HNF4G: variants seen among roughly 807,000 people sequenced by gnomAD.
HNF4G encodes hepatocyte nuclear factor 4 gamma.
HNF4G carries 21 observed loss-of-function variants against 50.9 expected under a neutral mutation model. The observed-to-expected ratio is 0.41, with a 90% CI of 0.29 to 0.59. The LOEUF (loss-of-function observed/expected upper bound fraction) is 0.59, where lower values mean the gene tolerates loss of function less well. Among genes scored for constraint, HNF4G ranks in the 20% least tolerant of loss-of-function variants. The probability of loss-of-function intolerance (pLI) is 0.26; values close to 1 mark genes in which losing one functional copy is unlikely to be tolerated. For missense variants in HNF4G, 527 were observed against 559.4 expected (o/e 0.94, Z 0.58); for synonymous variants, 198 against 185.6 (o/e 1.07, Z -0.54).
intron 1 of HNF4G, chr8:75,408,188 C>G (rs1255569850): frequency 6.6e-6 from 1 of 152,006 alleles, no homozygotes; most frequent in Non-Finnish European, 1.5e-5. Flanking sequence ...GTGGGGGGAC[C>G]GGGGAATTGA....
At chr8:75,536,451 T>C (rs546312831), upstream of HNF4G, among the ~76,000 whole-genome samples, 31 of 152,134 alleles carry the variant, frequency 2.0e-4, no homozygotes, top group African/African-American at 7.2e-4. Context: ...TAATATAGTT[T>C]TATTTTTAAC....
rs140798246 is a variant in HNF4G at position 75,561,355 on chromosome 8, A to C, written c.1246+889A>C. On this transcript the variant is annotated intron_variant, in intron 9 of 9. Transcript: ENST00000396423. ...AGCTACTTCTTCTGTGACTGCATTT[A>C]TGTTTTATTTGTATGTCACTTCCAG... is the stretch of plus-strand genomic sequence containing the variant. Among the ~76,000 whole-genome samples, 357 of 152,232 alleles carry C rather than the reference A, an allele frequency of 2.3e-3. 2 individuals carry two copies. The highest frequency in any genetic ancestry group is 3.5e-3 in the Non-Finnish European group (237 of 68,000).
At chr8:75,410,923 C>T (rs561979278) in intron 1 of HNF4G, among the ~76,000 whole-genome samples, 12 of 152,264 alleles carry the variant, frequency 7.9e-5, no homozygotes, top group Admixed American at 2.6e-4. Context: ...AGAATACGCA[C>T]GCACACACAC....
intron 2 of HNF4G, among the ~76,000 whole-genome samples, chr8:75,507,944 T>C (rs1296274669): frequency 2.6e-5 from 4 of 152,044 alleles, no homozygotes; most frequent in African/African-American, 7.2e-5. Context: ...TAAATTAATT[T>C]TAGTTTGAAC....
intron 2 of HNF4G, among the ~76,000 whole-genome samples, chr8:75,513,860 G>C (rs1343749074): frequency 6.6e-6 from 1 of 150,852 alleles, no homozygotes; most frequent in African/African-American, 2.4e-5. Flanking sequence ...ATTTTATTTA[G>C]AGAATGTGAT....
intron 2 of HNF4G, among the ~76,000 whole-genome samples, chr8:75,528,547 C>T (rs1214173768): frequency 2.0e-5 from 3 of 152,002 alleles, no homozygotes; most frequent in Non-Finnish European, 4.4e-5. Context: ...AAATGAGGTC[C>T]CTCATAGAAC....
chr8:75,437,513 CT>C (rs1481151352), intron 1 of HNF4G, among the ~76,000 whole-genome samples: 1 of 152,026 alleles, frequency 6.6e-6, no homozygotes, highest in Non-Finnish European at 1.5e-5. Flanking sequence ...CTTAAACTAT[CT>C]AGGACAAAGG....
chr8:75,437,374 T>C (rs1296305780), intron 1 of HNF4G, among the ~76,000 whole-genome samples: 1 of 152,212 alleles, frequency 6.6e-6, no homozygotes, highest in Admixed American at 6.5e-5. Context: ...CAACAGGAAC[T>C]GGCATACACT....
rs1348487362 is a variant in HNF4G at position 75,478,736 on chromosome 8, G to C, written c.-143-11353G>C. Among the ~76,000 whole-genome samples, 7 of 150,506 alleles carry C rather than the reference G, an allele frequency of 4.7e-5. No individual in the cohort carries two copies. The East Asian group carries it at 1.4e-3, about 29-fold the overall frequency. On this transcript the variant is annotated intron_variant, in intron 1 of 10. Transcript: ENST00000354370. Reference sequence around the variant, plus strand: ...CTTTTCTTTTTCTTTTTTCTTTTTTGAGATGGAGTTTAGCTCTTGTTGCCC... The same window carrying C: ...CTTTTCTTTTTCTTTTTTCTTTTTTCAGATGGAGTTTAGCTCTTGTTGCCC...
chr8:75,529,580 A>AT (rs2130763429), intron 2 of HNF4G, among the ~76,000 whole-genome samples: 1 of 152,268 alleles, frequency 6.6e-6, no homozygotes, highest in African/African-American at 2.4e-5. Context: ...GGGATGAGTG[A>AT]TGCTTTTTTA....
chr8:75,562,569 TAAC>T (rs1376330526), intron 9 of HNF4G, among the ~76,000 whole-genome samples: 1 of 152,096 alleles, frequency 6.6e-6, no homozygotes, highest in Non-Finnish European at 1.5e-5. Context: ...TAAAACACAT[TAAC>T]AACACAATAA....
intron 3 of HNF4G, among the ~76,000 whole-genome samples, chr8:75,548,715 A>C (rs1384996432): frequency 6.6e-6 from 1 of 152,226 alleles, no homozygotes; most frequent in Non-Finnish European, 1.5e-5. Flanking sequence ...TCATATACAA[A>C]GAGATGTTTT....
intron 1 of HNF4G, among the ~76,000 whole-genome samples, chr8:75,541,278 G>A (rs1806614644): frequency 6.6e-6 from 1 of 152,074 alleles, no homozygotes; most frequent in Non-Finnish European, 1.5e-5. Context: ...TATATCCAAA[G>A]TATGGTGTAA....
chr8:75,481,810 A>T (rs1205238616), intron 1 of HNF4G, among the ~76,000 whole-genome samples: 1 of 151,766 alleles, frequency 6.6e-6, no homozygotes, highest in Non-Finnish European at 1.5e-5. Context: ...TATAAAAATA[A>T]AAATGCAAAA....
Position 75,480,717 on chromosome 8 carries a change from C to CTTTTT in HNF4G, c.-143-9369_-143-9368insTTTTT, listed in dbSNP as rs748221253. On this transcript the variant is annotated intron_variant, in intron 1 of 10. Transcript: ENST00000354370. ...CTGGATCTCATTTCTTTTTCTTTTT[C>CTTTTT]TTTCTTTTTTTTTTTTTTTGAGACA... Among the ~76,000 whole-genome samples, 14 of 123,920 alleles carry CTTTTT rather than the reference C, an allele frequency of 1.1e-4. 2 individuals carry two copies. Among genetic ancestry groups the CTTTTT allele is most frequent in the Non-Finnish European group, 9.8e-5 (6 of 61,418 alleles). 81.3% of individuals were successfully genotyped at this position (123,920 alleles called of 152,430 possible).
At chr8:75,451,119 C>CATGT (rs1187434210) in intron 1 of HNF4G, among the ~76,000 whole-genome samples, 10 of 152,094 alleles carry the variant, frequency 6.6e-5, no homozygotes, top group Admixed American at 1.3e-4. Flanking sequence ...CTCCATTGGC[C>CATGT]ATGTGTATGC....
rs550106944 is a variant in HNF4G, at chr8:75,552,827, G to A, written c.490-215G>A. ...GAGGATGGTGCTATATATATGAAAT[G>A]TTTTTAAATTAACTTGTAAACTTAT... On this transcript the variant is annotated intron_variant, in intron 4 of 9. Transcript: ENST00000396423. Among the ~76,000 whole-genome samples, 464 of 152,050 alleles carry A rather than the reference G, an allele frequency of 3.1e-3. 2 individuals carry two copies. Among genetic ancestry groups the A allele is most frequent in the Non-Finnish European group, 5.2e-3 (356 of 67,952 alleles).
intron 2 of HNF4G, among the ~76,000 whole-genome samples, chr8:75,515,406 A>T (rs1378812261): frequency 1.3e-5 from 2 of 152,178 alleles, no homozygotes; most frequent in Non-Finnish European, 2.9e-5. Flanking sequence ...ACACACACAG[A>T]GACACACAGA....
chr8:75,544,965 C>T (rs1044603437), intron 2 of HNF4G, among the ~76,000 whole-genome samples: 4 of 151,922 alleles, frequency 2.6e-5, no homozygotes, highest in Non-Finnish European at 5.9e-5. Flanking sequence ...CTGTCTAGTT[C>T]TCTGGTAATT....
Sources: allele counts gnomAD v4.1 joint callset (sites outside exome capture counted in the v4.1 genomes callset), GRCh38; gene constraint gnomAD v4.1.1; transcripts MANE v1.5; gene names NCBI Gene and HGNC (gene_info 2026-07-23, HGNC 2026-07-21).